Variants in SPTBN1 observed in about 807,000 individuals in gnomAD.
SPTBN1 encodes the protein spectrin beta chain, non-erythrocytic 1.
Under a neutral mutation model 266.4 loss-of-function variants are expected in SPTBN1, and 32 were observed. The ratio of observed to expected loss-of-function variants is 0.12; its 90% CI spans 0.09 to 0.16. The LOEUF (loss-of-function observed/expected upper bound fraction) is 0.16. Among genes scored for constraint, SPTBN1 ranks in the 10% least tolerant of loss-of-function variants. The pLI is 1.00. For synonymous variants in SPTBN1, 1,336 were observed against 1,162.2 expected (o/e 1.15, Z -3.04); for missense variants, 2,296 against 3,067.1 (o/e 0.75, Z 5.94).
Position 54,558,893 on chromosome 2 carries a change from C to A in SPTBN1, c.148+32327C>A, listed in dbSNP as rs746140244. The A allele has an allele frequency of 6.2e-7, 1 of 1,612,244 alleles. No individual in the cohort carries two copies. The highest frequency in any genetic ancestry group is 1.7e-5 in the Admixed American group (1 of 59,886). ...CAGATTCAAGCAGCTGCAAGGTAAGCCCCCTCCCAAAGGCCGGGCCTGTCC... is the reference window on the plus strand; with the variant it reads ...CAGATTCAAGCAGCTGCAAGGTAAGACCCCTCCCAAAGGCCGGGCCTGTCC... On this transcript the variant is annotated intron_variant, in intron 2 of 35. Coordinates refer to ENST00000356805, the MANE Select transcript of SPTBN1 (RefSeq NM_003128.3). The surrounding 1 kb of genome is among the most constrained non-coding windows in gnomAD (Gnocchi z 4.6).
intron 1 of SPTBN1, among the ~76,000 whole-genome samples, chr2:54,487,125 A>G (rs1668437264): frequency 6.6e-6 from 1 of 151,318 alleles, no homozygotes; most frequent in South Asian, 2.1e-4. Context: ...TTCATGTATA[A>G]AATTTGTTTT....
At chr2:54,655,019 T>C in intron 27 of SPTBN1, 51 bp from the exon 28 acceptor site, 3 of 1,568,088 alleles carry the variant, frequency 1.9e-6, no homozygotes, top group Non-Finnish European at 2.6e-6. Flanking sequence ...AACCTACACA[T>C]TTTTTGAAAA....
At chr2:54,586,355 C>G (rs1470035202) in intron 2 of SPTBN1, among the ~76,000 whole-genome samples, 4 of 152,222 alleles carry the variant, frequency 2.6e-5, no homozygotes, top group African/African-American at 9.6e-5. Context: ...TTCTTCAGAA[C>G]AGAAGCCAAT....
intron 17 of SPTBN1, among the ~76,000 whole-genome samples, chr2:54,634,097 A>C (rs1678950371): frequency 6.6e-6 from 1 of 152,228 alleles, no homozygotes; most frequent in Admixed American, 6.5e-5. Context: ...ATTAACTCTG[A>C]GTATTTTGTA....
chr2:54,668,122 A>G (rs1231771103), intron 35 of SPTBN1, among the ~76,000 whole-genome samples: 1 of 152,176 alleles, frequency 6.6e-6, no homozygotes, highest in African/African-American at 2.4e-5. Flanking sequence ...AGCTGTTACA[A>G]GTTTGTAGGG....
chr2:54,668,658 C>G lies in SPTBN1; in HGVS notation c.*89C>G. The stretch of plus-strand genomic sequence containing the variant: ...AGAACCAACACATTACTCTCTGTGC[C>G]TAATGTTCCTCAATGTGGTTGATTT... On this transcript the variant is annotated 3_prime_UTR_variant, in exon 36 of 36. Transcript: ENST00000356805. The G allele has an allele frequency of 1.6e-6, 2 of 1,249,504 alleles. No homozygotes were observed. Among genetic ancestry groups the G allele is most frequent in the South Asian group, 2.8e-5 (2 of 70,856 alleles). The allele number at this position is 1,249,504 out of a possible 1,614,324, so 77.4% of individuals were successfully genotyped here.
intron 1 of SPTBN1, among the ~76,000 whole-genome samples, chr2:54,510,125 AT>A (rs1216608979): frequency 1.3e-5 from 2 of 151,484 alleles, no homozygotes; most frequent in Non-Finnish European, 2.9e-5. Flanking sequence ...CGCCCGGCTA[AT>A]TTTTGTATTT....
intron 9 of SPTBN1, 38 bp downstream of exon 9, chr2:54,622,525 A>G: frequency 6.2e-7 from 1 of 1,601,060 alleles, no homozygotes; most frequent in Non-Finnish European, 8.5e-7. Context: ...TAATATGGAA[A>G]GACACATCAC....
chr2:54,650,902 G>T (rs112454037), intron 26 of SPTBN1, among the ~76,000 whole-genome samples: 1 of 152,130 alleles, frequency 6.6e-6, no homozygotes, highest in African/African-American at 2.4e-5. Flanking sequence ...AATAGCTTTG[G>T]TATACTTTGG....
intron 2 of SPTBN1, among the ~76,000 whole-genome samples, chr2:54,564,042 G>A (rs966257255): frequency 4.6e-5 from 7 of 152,146 alleles, no homozygotes; most frequent in East Asian, 1.9e-4. Flanking sequence ...GGATCATGGC[G>A]CCCAAATAAC....
chr2:54,464,470 C>G (rs1693525045), intron 1 of SPTBN1, among the ~76,000 whole-genome samples: 1 of 152,032 alleles, frequency 6.6e-6, no homozygotes, highest in Admixed American at 6.5e-5. Flanking sequence ...AAGTAAAAGA[C>G]TGGAAGGAAA....
chr2:54,618,382 G>A (rs1677767774), intron 7 of SPTBN1, among the ~76,000 whole-genome samples, 189 bp downstream of exon 7: 1 of 152,216 alleles, frequency 6.6e-6, no homozygotes, highest in African/African-American at 2.4e-5. Flanking sequence ...AGATGAATAC[G>A]ATTTAAACAG....
At chr2:54,478,257 T>G (rs369693062) in intron 1 of SPTBN1, among the ~76,000 whole-genome samples, 1 of 152,102 alleles carries the variant, frequency 6.6e-6, no homozygotes, top group Non-Finnish European at 1.5e-5. Context: ...CGCTCGTGTT[T>G]CATGCCCTCA....
At chr2:54,500,040 C>T (rs1387459265) in intron 1 of SPTBN1, among the ~76,000 whole-genome samples, 1 of 152,094 alleles carries the variant, frequency 6.6e-6, no homozygotes, top group Admixed American at 6.6e-5. Context: ...GTTAATTGTT[C>T]ATTTCTTAGG....
At chr2:54,489,115 G>C (rs1668557270) in intron 1 of SPTBN1, among the ~76,000 whole-genome samples, 1 of 144,812 alleles carries the variant, frequency 6.9e-6, no homozygotes, top group South Asian at 2.3e-4. Flanking sequence ...GAGCTCAGGA[G>C]TTCAAGACTA....
chr2:54,565,325 T>C (rs375488526), intron 2 of SPTBN1, among the ~76,000 whole-genome samples: 36 of 152,346 alleles, frequency 2.4e-4, no homozygotes, highest in Non-Finnish European at 2.9e-5. Context: ...GGGGAAAATA[T>C]GTTTTTTAGA....
intron 32 of SPTBN1, chr2:54,661,078 T>C (rs1411044746): frequency 2.0e-6 from 2 of 985,324 alleles, no homozygotes; most frequent in Non-Finnish European, 2.4e-6. Flanking sequence ...TGTCAGTGTC[T>C]CTGTAGACAA....
chr2:54,522,288 CTGAG>C (rs1670488767), intron 1 of SPTBN1, among the ~76,000 whole-genome samples: 1 of 152,108 alleles, frequency 6.6e-6, no homozygotes, highest in South Asian at 2.1e-4. Context: ...CTTTAGTTCT[CTGAG>C]TGACTTCTTT....
intron 2 of SPTBN1, among the ~76,000 whole-genome samples, chr2:54,580,633 C>T (rs997636781): frequency 6.6e-6 from 1 of 151,632 alleles, no homozygotes; most frequent in Non-Finnish European, 1.5e-5. Flanking sequence ...AATCTTCTCT[C>T]TTGCATTGTT....
Sources: allele counts gnomAD v4.1 joint callset (sites outside exome capture counted in the v4.1 genomes callset), GRCh38; gene constraint gnomAD v4.1.1; non-coding constraint Gnocchi (gnomAD v3.1); transcripts MANE v1.5; gene names NCBI Gene and HGNC (gene_info 2026-07-23, HGNC 2026-07-21).